AGBL4: variants seen among roughly 807,000 people sequenced by gnomAD.
AGBL4 encodes AGBL carboxypeptidase 4, also known as cytosolic carboxypeptidase 6.
In AGBL4, 58 loss-of-function variants were observed where a neutral mutation model predicts 66.4. The ratio of observed to expected loss-of-function variants is 0.87; its 90% CI spans 0.71 to 1.09. AGBL4 has a LOEUF of 1.09. Among genes scored for constraint, AGBL4 ranks in the 50% least tolerant of loss-of-function variants. The probability of loss-of-function intolerance (pLI) is 0.00; values close to 1 mark genes in which losing one functional copy is unlikely to be tolerated. For synonymous variants in AGBL4, 234 were observed against 222.9 expected (o/e 1.05, Z -0.44); for missense variants, 579 against 631.0 (o/e 0.92, Z 0.88).
intron 1 of AGBL4, among the ~76,000 whole-genome samples, chr1:50,001,248 C>CA (rs1415073117): frequency 1.3e-5 from 2 of 149,610 alleles, no homozygotes; most frequent in Non-Finnish European, 3.0e-5. Flanking sequence ...TTATGTATAA[C>CA]AAAAAAGGCA....
intron 8 of AGBL4, among the ~76,000 whole-genome samples, chr1:48,638,561 C>G (rs1200272936): frequency 6.6e-6 from 1 of 152,224 alleles, no homozygotes; most frequent in Non-Finnish European, 1.5e-5. Context: ...ATTGTCTAAA[C>G]TTAAATATCA....
intron 3 of AGBL4, among the ~76,000 whole-genome samples, chr1:49,352,422 G>C (rs1336678917): frequency 2.3e-5 from 3 of 129,218 alleles, no homozygotes; most frequent in African/African-American, 8.8e-5. Flanking sequence ...ATCAGCCTCA[G>C]AGAAGAGGAG....
At chr1:49,525,407 G>A (rs1385448315) in intron 3 of AGBL4, among the ~76,000 whole-genome samples, 2 of 151,914 alleles carry the variant, frequency 1.3e-5, no homozygotes, top group Non-Finnish European at 2.9e-5. Context: ...AGAGGTAGGG[G>A]GAGTGCCTTT....
At chr1:49,849,356 A>G (rs1646242053) in intron 2 of AGBL4, among the ~76,000 whole-genome samples, 1 of 151,112 alleles carries the variant, frequency 6.6e-6, no homozygotes, top group Non-Finnish European at 1.5e-5. Context: ...TGCCCTAAAT[A>G]ATATTTACCC....
Position 49,178,828 on chromosome 1 carries a change from A to G in AGBL4, c.377+66942T>C, listed in dbSNP as rs527434005. 2.1e-4 allele frequency among the ~76,000 whole-genome samples: 32 copies of G among 152,334 alleles called. No homozygotes were observed. The South Asian group carries it at 6.2e-3, about 30-fold the overall frequency. On this transcript the variant is annotated intron_variant, in intron 4 of 13. Coordinates refer to ENST00000371839, the MANE Select transcript of AGBL4 (RefSeq NM_032785.4). ...GAATGTTTGTCGAATGAATTAATAA[A>G]TGAATGAATATAATCTTTAATTAGT...
At chr1:49,103,522 C>T (rs1645239835) in intron 4 of AGBL4, among the ~76,000 whole-genome samples, 1 of 152,176 alleles carries the variant, frequency 6.6e-6, no homozygotes, top group Non-Finnish European at 1.5e-5. Context: ...TGAGACTGCC[C>T]ACAGTCACAC....
chr1:48,662,445 C>T (rs527497556), intron 7 of AGBL4, among the ~76,000 whole-genome samples: 4 of 152,266 alleles, frequency 2.6e-5, no homozygotes, highest in South Asian at 2.1e-4. Context: ...CCTACACAGG[C>T]GTTTCATATC....
chr1:49,371,858 TG>T (rs1644353469), intron 3 of AGBL4, among the ~76,000 whole-genome samples: 1 of 149,870 alleles, frequency 6.7e-6, no homozygotes, highest in Non-Finnish European at 1.5e-5. Context: ...TGTGTGTGTG[TG>T]TGTGTGTGTT....
At chr1:49,515,365 C>A (rs972348160) in intron 3 of AGBL4, among the ~76,000 whole-genome samples, 1 of 151,822 alleles carries the variant, frequency 6.6e-6, no homozygotes, top group African/African-American at 2.4e-5. Context: ...TTAGAATGGA[C>A]ATCATTAAAA....
At chr1:48,720,796 A>G (rs1025597281) in intron 6 of AGBL4, among the ~76,000 whole-genome samples, 4 of 152,036 alleles carry the variant, frequency 2.6e-5, no homozygotes, top group Non-Finnish European at 4.4e-5. Context: ...TTAATATTAC[A>G]ATACAATCCT....
chr1:49,376,814 A>T (rs1252110759), intron 3 of AGBL4, among the ~76,000 whole-genome samples: 1 of 152,052 alleles, frequency 6.6e-6, no homozygotes, highest in East Asian at 1.9e-4. Context: ...TCACATACTT[A>T]CCACATTGGA....
At chr1:49,638,067 G>A (rs570864529) in intron 3 of AGBL4, among the ~76,000 whole-genome samples, 20 of 152,096 alleles carry the variant, frequency 1.3e-4, no homozygotes, top group African/African-American at 4.6e-4. Context: ...ATGCACTGTT[G>A]TTCTTAGTTT....
intron 4 of AGBL4, among the ~76,000 whole-genome samples, chr1:49,159,178 T>A (rs576685717): frequency 6.6e-6 from 1 of 152,114 alleles, no homozygotes; most frequent in South Asian, 2.1e-4. Flanking sequence ...TACAGTTTGG[T>A]CTGTTTTTGC....
intron 2 of AGBL4, among the ~76,000 whole-genome samples, chr1:49,792,856 A>G (rs1039637047): frequency 2.6e-5 from 4 of 152,082 alleles, no homozygotes; most frequent in Non-Finnish European, 5.9e-5. Context: ...CTTTAAGTCA[A>G]GTAATAGGAT....
intron 4 of AGBL4, among the ~76,000 whole-genome samples, chr1:49,224,488 G>A (rs770159064): frequency 6.6e-6 from 1 of 151,826 alleles, no homozygotes; most frequent in Non-Finnish European, 1.5e-5. Flanking sequence ...ATGGTGGTGG[G>A]CCCCTGTAGT....
At chr1:49,894,366 A>T (rs181928777) in intron 1 of AGBL4, among the ~76,000 whole-genome samples, 23 of 152,270 alleles carry the variant, frequency 1.5e-4, no homozygotes, top group Admixed American at 7.2e-4. Flanking sequence ...GACTCTACCA[A>T]ATGAACTAAA....
chr1:49,402,784 C>T (rs746276158), intron 3 of AGBL4, among the ~76,000 whole-genome samples: 48 of 152,214 alleles, frequency 3.2e-4, no homozygotes, highest in Non-Finnish European at 4.6e-4. Flanking sequence ...TCAGACTGGT[C>T]GCGAACTCCT....
intron 3 of AGBL4, among the ~76,000 whole-genome samples, chr1:49,537,172 G>A (rs1651663150): frequency 6.6e-6 from 1 of 152,098 alleles, no homozygotes; most frequent in Admixed American, 6.6e-5. Context: ...TTAAATGTAA[G>A]ACCTGAGTCT....
At chr1:48,542,155 T>C (rs1276011179) in intron 11 of AGBL4, among the ~76,000 whole-genome samples, 2 of 152,228 alleles carry the variant, frequency 1.3e-5, no homozygotes, top group African/African-American at 4.8e-5. Flanking sequence ...TCCATGTCCC[T>C]GCAAAGCACA....
Sources: allele counts gnomAD v4.1 joint callset (sites outside exome capture counted in the v4.1 genomes callset), GRCh38; gene constraint gnomAD v4.1.1; transcripts MANE v1.5; gene names NCBI Gene and HGNC (gene_info 2026-07-23, HGNC 2026-07-21).